CUBN: variants seen among roughly 807,000 people sequenced by gnomAD.
CUBN encodes cubilin.
In CUBN, 282 loss-of-function variants were observed where a neutral mutation model predicts 405.3. The ratio of observed to expected loss-of-function variants is 0.70; its 90% CI spans 0.63 to 0.77. CUBN has a LOEUF of 0.77. Among genes scored for constraint, CUBN ranks in the 30% least tolerant of loss-of-function variants. The pLI, the probability that CUBN is intolerant of heterozygous loss-of-function variation, is 0.00. For missense variants in CUBN, 4,514 were observed against 4,475.2 expected, an observed-to-expected ratio of 1.01 and a Z score of -0.25; for synonymous variants, 1,684 against 1,617.0, an observed-to-expected ratio of 1.04 and a Z score of -0.99.
At position 17,115,601 on chromosome 10, in the gene CUBN, T is replaced by A. The variant is rs1430562314; in HGVS notation, c.594-4A>T. ...CGTCTCAGGTGGGCAGTGACAACTG[T>A]TGGTTACACAAGAGCACAATGTCAG... is the stretch of plus-strand genomic sequence containing the variant. On this transcript the variant is annotated splice_polypyrimidine_tract_variant and splice_region_variant and intron_variant, in intron 6 of 66. Coordinates refer to ENST00000377833, the MANE Select transcript of CUBN (RefSeq NM_001081.4). 6.2e-7 allele frequency: 1 copy of A among 1,614,072 alleles called. No homozygotes were observed. Among genetic ancestry groups the A allele is most frequent in the African/African-American group, 1.3e-5 (1 of 74,950 alleles).
intron 59 of CUBN, among the ~76,000 whole-genome samples, chr10:16,865,443 C>A (rs1024085073): frequency 1.3e-5 from 2 of 151,992 alleles, no homozygotes; most frequent in African/African-American, 4.8e-5. Flanking sequence ...AGACAGTGGC[C>A]CTCGTCATCA....
intron 4 of CUBN, among the ~76,000 whole-genome samples, chr10:17,124,634 T>C (rs1348158221): frequency 6.6e-6 from 1 of 151,920 alleles, no homozygotes; most frequent in African/African-American, 2.4e-5. Context: ...TTCACCGTGT[T>C]AGCCAGGATG....
intron 43 of CUBN, 87 bp from the exon 44 acceptor site, chr10:16,920,224 T>C: frequency 7.5e-7 from 1 of 1,330,762 alleles, no homozygotes; most frequent in Non-Finnish European, 1.1e-6. Context: ...AGTCGACTTC[T>C]CTGTATTTTG....
chr10:16,950,430 A>ACAT (rs896969323), intron 33 of CUBN, among the ~76,000 whole-genome samples: 3 of 152,218 alleles, frequency 2.0e-5, no homozygotes, highest in Non-Finnish European at 4.4e-5. Context: ...ATACATATAT[A>ACAT]CATCTACTAT....
chr10:17,114,937 G>A (rs910894528), intron 7 of CUBN, among the ~76,000 whole-genome samples: 1 of 152,114 alleles, frequency 6.6e-6, no homozygotes, highest in East Asian at 1.9e-4. Context: ...GAGTCATGAC[G>A]GGATAATAAA....
intron 60 of CUBN, among the ~76,000 whole-genome samples, chr10:16,847,565 T>C (rs1249863912): frequency 6.6e-6 from 1 of 152,266 alleles, no homozygotes. Flanking sequence ...TCCTACACTT[T>C]ACTAGCAGCT....
intron 27 of CUBN, among the ~76,000 whole-genome samples, chr10:17,025,673 A>G (rs1834643090): frequency 6.6e-6 from 1 of 152,190 alleles, no homozygotes; most frequent in Non-Finnish European, 1.5e-5. Context: ...GGGATTAGAG[A>G]ACAGGAGCTG....
At chr10:16,935,265 C>A (rs147205430) in intron 39 of CUBN, among the ~76,000 whole-genome samples, 369 of 152,270 alleles carry the variant, frequency 2.4e-3, no homozygotes, top group Admixed American at 7.4e-3. Context: ...GATTCCCCTG[C>A]CTCTGCCTCC....
chr10:17,052,655 G>C (rs1222459732), intron 22 of CUBN, among the ~76,000 whole-genome samples: 3 of 150,704 alleles, frequency 2.0e-5, no homozygotes, highest in Non-Finnish European at 4.4e-5. Flanking sequence ...AGCTACTCGG[G>C]AGGCTGAGGC....
At chr10:16,967,844 A>T (rs112741176) in intron 31 of CUBN, among the ~76,000 whole-genome samples, 4 of 38,820 alleles carry the variant, frequency 1.0e-4, no homozygotes, top group African/African-American at 2.9e-4. Flanking sequence ...AAGGAGAGAC[A>T]GAGGGAGAGA....
intron 28 of CUBN, among the ~76,000 whole-genome samples, chr10:17,017,415 G>A (rs1834355567): frequency 6.6e-6 from 1 of 152,138 alleles, no homozygotes; most frequent in South Asian, 2.1e-4. Context: ...TTGAAAACCT[G>A]TTAGAGTCCT....
At chr10:16,974,006 C>T (rs769740272) in intron 31 of CUBN, among the ~76,000 whole-genome samples, 7 of 152,248 alleles carry the variant, frequency 4.6e-5, no homozygotes, top group East Asian at 3.9e-4. Flanking sequence ...TAGTATTCCG[C>T]GCTGTCTCTT....
Position 16,918,762 on chromosome 10 carries a change from T to A in CUBN, c.6860A>T (p.Asp2287Val), listed in dbSNP as rs1841958559. The part of the protein sequence containing the change: ...SNYLELRDGV[D>V]SDAPILSKFC... ...TTTGGAAAGTATTGGTGCATCCGAA[T>A]CCACTCCATCCCGCAACTCAAGGTA... is the stretch of plus-strand genomic sequence containing the variant. Residue 2287 changes from aspartate (D) to valine (V), a missense_variant, in exon 45 of 67, where the codon GAT (aspartate) becomes GTT (valine). Coordinates refer to ENST00000377833, the MANE Select transcript of CUBN (RefSeq NM_001081.4). The A allele has an allele frequency of 3.1e-6, 5 of 1,613,782 alleles. No homozygotes were observed. Among genetic ancestry groups the A allele is most frequent in the African/African-American group, 1.3e-5 (1 of 74,892 alleles).
chr10:17,119,683 G>A (rs544448002), intron 6 of CUBN, among the ~76,000 whole-genome samples: 47 of 152,002 alleles, frequency 3.1e-4, no homozygotes, highest in Non-Finnish European at 5.3e-4. Flanking sequence ...ACAAAACAAA[G>A]TGAGCAGGGA....
At chr10:16,862,143 G>GTCTC (rs764285300) in intron 59 of CUBN, among the ~76,000 whole-genome samples, 4 of 121,378 alleles carry the variant, frequency 3.3e-5, no homozygotes, top group African/African-American at 9.1e-5. Context: ...GTGAGACTCC[G>GTCTC]TCTCTCTCTC....
chr10:16,830,004 C>T (rs1838933398), intron 65 of CUBN, among the ~76,000 whole-genome samples: 1 of 151,576 alleles, frequency 6.6e-6, no homozygotes, highest in South Asian at 2.1e-4. Flanking sequence ...GGCGTGATCT[C>T]GGCTCACTAC....
rs561294247 is a variant in CUBN, at chr10:16,975,524, T to C, written c.4695+6960A>G. Among the ~76,000 whole-genome samples, 228 of 152,056 alleles carry C rather than the reference T, an allele frequency of 1.5e-3. 1 individual carries two copies. The highest frequency in any genetic ancestry group is 5.4e-3 in the Admixed American group (83 of 15,244). Reference sequence around the variant, plus strand: ...CACTGTATCAAAGAAAAGAACACCATGCAGACGAGGGAGGAAACAAGGGGT... The same window carrying C: ...CACTGTATCAAAGAAAAGAACACCACGCAGACGAGGGAGGAAACAAGGGGT... On this transcript the variant is annotated intron_variant, in intron 31 of 66. Coordinates refer to ENST00000377833, the MANE Select transcript of CUBN (RefSeq NM_001081.4).
In CUBN at chr10:17,104,490, T is replaced by C. The variant is rs745509134; in HGVS notation, c.1346A>G (p.Asp449Gly). 6.2e-7 allele frequency: 1 copy of C among 1,613,960 alleles called. No individual in the cohort carries two copies. The highest frequency in any genetic ancestry group is 8.5e-7 in the Non-Finnish European group (1 of 1,179,982). The change falls in exon 12 of 67, where the codon GAT becomes GGT. Residue 449 changes from aspartate to glycine, a missense_variant. By Grantham distance (94) the Asp-to-Gly change is moderately conservative. This residue lies in a region of CUBN where 1,448 missense variants were observed against 1,388.0 expected (regional missense o/e 1.04). Coordinates refer to ENST00000377833, the MANE Select transcript of CUBN (RefSeq NM_001081.4). ...TTCACAACTGAAAGAATCAACGCCA[T>C]CAACACAAGTTCCTCCATTCAAACA... The part of the protein sequence containing the change: ...NPCLNGGTCV[D>G]GVDSFSCECT...
chr10:16,952,621 C>T (rs2131630250), intron 32 of CUBN, among the ~76,000 whole-genome samples: 1 of 152,268 alleles, frequency 6.6e-6, no homozygotes, highest in African/African-American at 2.4e-5. Context: ...TGGCAAAAAG[C>T]AACAGATTAA....
Sources: gnomAD v4.1 joint callset for allele counts (sites outside exome capture counted in the v4.1 genomes callset) on GRCh38, gnomAD v4.1.1 for gene constraint, gnomAD v4.1.1 regional missense constraint, MANE v1.5 for transcripts, NCBI Gene and HGNC (gene_info 2026-07-23, HGNC 2026-07-21) for gene names.